Variants in ATP2B2 observed in about 807,000 individuals in gnomAD.
ATP2B2 encodes ATPase plasma membrane Ca2+ transporting 2, also known as plasma membrane calcium-transporting ATPase 2.
In ATP2B2, 15 loss-of-function variants were observed where a neutral mutation model predicts 120.0. The ratio of observed to expected loss-of-function variants is 0.12; its 90% confidence interval spans 0.08 to 0.19. The LOEUF (loss-of-function observed/expected upper bound fraction) is 0.19. Ranked by LOEUF, ATP2B2 falls within the 10% of genes least tolerant of loss-of-function variation. ATP2B2 has a pLI of 1.00. For missense variants in ATP2B2, 1,045 were observed against 1,719.8 expected (o/e 0.61, Z 6.94); for synonymous variants, 694 against 700.3 (o/e 0.99, Z 0.14).
In ATP2B2 at chr3:10,577,051, C is replaced by CAAA. The variant is rs71055823; in HGVS notation, c.-415+42863_-415+42865dup. Among the ~76,000 whole-genome samples, 451 of 109,282 alleles carry CAAA rather than the reference C, an allele frequency of 4.1e-3. 2 individuals carry two copies. The highest frequency in any genetic ancestry group is 0.015 in the African/African-American group (412 of 28,074). The allele number at this position is 109,282 out of a possible 152,430, so 71.7% of individuals were successfully genotyped here. On this transcript the variant is annotated intron_variant, in intron 2 of 21. Transcript: ENST00000646379. ...TGGGTGACAGAGTGAGACTCTGTGT[C>CAAA]AAAAAAAAAAAAAAAAAAAAAAGAA...
chr3:10,334,379 G>A (rs1020798311), intron 22 of ATP2B2, among the ~76,000 whole-genome samples: 4 of 152,288 alleles, frequency 2.6e-5, no homozygotes, highest in South Asian at 2.1e-4. Flanking sequence ...CTTGGTTACC[G>A]CACCTCAGGA....
intron 5 of ATP2B2, among the ~76,000 whole-genome samples, chr3:10,397,618 A>C (rs1209542538): frequency 6.6e-6 from 1 of 152,154 alleles, no homozygotes; most frequent in Non-Finnish European, 1.5e-5. Context: ...GGAAGAAATG[A>C]GACTGGGAAG....
chr3:10,574,211 G>A (rs1022945904), intron 2 of ATP2B2, among the ~76,000 whole-genome samples: 1 of 152,008 alleles, frequency 6.6e-6, no homozygotes, highest in African/African-American at 2.4e-5. Flanking sequence ...GCCTCCCTCC[G>A]ATGCCCGCTG....
At chr3:10,654,095 A>G (rs2070542235) in intron 1 of ATP2B2, among the ~76,000 whole-genome samples, 1 of 152,148 alleles carries the variant, frequency 6.6e-6, no homozygotes, top group Admixed American at 6.5e-5. Flanking sequence ...CCCTCCCACA[A>G]ACCCTCTGAG....
At chr3:10,625,140 T>C (rs1466654503) in intron 1 of ATP2B2, among the ~76,000 whole-genome samples, 1 of 152,206 alleles carries the variant, frequency 6.6e-6, no homozygotes, top group Non-Finnish European at 1.5e-5. Context: ...GAGGACGTGG[T>C]ATTCTGGCTA....
chr3:10,630,950 A>G (rs182890072), intron 1 of ATP2B2, among the ~76,000 whole-genome samples: 5 of 152,278 alleles, frequency 3.3e-5, no homozygotes, highest in Non-Finnish European at 7.4e-5. Flanking sequence ...TTCCTCGGGT[A>G]GAGAAAGAAT....
intron 10 of ATP2B2, among the ~76,000 whole-genome samples, chr3:10,377,753 T>A (rs2061420711): frequency 6.6e-6 from 1 of 152,230 alleles, no homozygotes; most frequent in African/African-American, 2.4e-5. Flanking sequence ...CTTGTCTTCC[T>A]CTGCTCAAGT....
At chr3:10,386,378 G>T in intron 7 of ATP2B2, 102 bp downstream of exon 7, 1 of 1,339,568 alleles carries the variant, frequency 7.5e-7, no homozygotes, top group Non-Finnish European at 1.1e-6. Context: ...CAGGCATGTG[G>T]CCTCCTCCAG....
At chr3:10,676,463 G>T (rs2071246225) in intron 1 of ATP2B2, among the ~76,000 whole-genome samples, 1 of 152,046 alleles carries the variant, frequency 6.6e-6, no homozygotes, top group Non-Finnish European at 1.5e-5. Context: ...TCATCTGTTG[G>T]GCAGGTAAGT....
intron 2 of ATP2B2, among the ~76,000 whole-genome samples, chr3:10,436,310 C>CT (rs2063478416): frequency 6.6e-6 from 1 of 152,236 alleles, no homozygotes; most frequent in Non-Finnish European, 1.5e-5. Context: ...ATTATCTATT[C>CT]TCTCTAGTAG....
chr3:10,508,549 A>G (rs1411079321), upstream of ATP2B2, among the ~76,000 whole-genome samples: 1 of 152,188 alleles, frequency 6.6e-6, no homozygotes, highest in Non-Finnish European at 1.5e-5. Context: ...CCCATTTTAC[A>G]GTTCAGCAAA....
intron 22 of ATP2B2, chr3:10,331,982 C>T: frequency 1.9e-6 from 3 of 1,550,134 alleles, no homozygotes; most frequent in Non-Finnish European, 2.6e-6. Context: ...AGACTCACAA[C>T]CTCTTTTAAT....
intron 2 of ATP2B2, among the ~76,000 whole-genome samples, chr3:10,445,796 G>T (rs1160023605): frequency 6.6e-6 from 1 of 152,240 alleles, no homozygotes; most frequent in Non-Finnish European, 1.5e-5. Flanking sequence ...TAGGGGTAGG[G>T]GGTGTCGGGA....
At chr3:10,550,578 G>A (rs1162068393) in intron 2 of ATP2B2, among the ~76,000 whole-genome samples, 1 of 152,054 alleles carries the variant, frequency 6.6e-6, no homozygotes, top group Admixed American at 6.6e-5. Context: ...CCTTCCAGCA[G>A]GACACATTCT....
chr3:10,384,556 C>A (rs73014692), intron 8 of ATP2B2, among the ~76,000 whole-genome samples: 1 of 152,110 alleles, frequency 6.6e-6, no homozygotes, highest in Admixed American at 6.6e-5. Context: ...TTCTTGCTTG[C>A]GTGTAAGGAG....
chr3:10,692,318 C>T (rs201226074), intron 1 of ATP2B2, among the ~76,000 whole-genome samples: 10 of 152,328 alleles, frequency 6.6e-5, no homozygotes, highest in East Asian at 5.8e-4. Context: ...GCCTCTCCCC[C>T]CAACCGTCAT....
chr3:10,637,424 TC>T lies in ATP2B2; in HGVS notation c.-459-17464del, dbSNP rs933993918. On this transcript the variant is annotated intron_variant, in intron 1 of 21. Transcript: ENST00000646379. ...GTTATTATAACTATATTCCACATGT[TC>T]AAAAAGTTAAGACATAGAAGATATA... Among the ~76,000 whole-genome samples, 50 of 152,194 alleles carry T rather than the reference TC, an allele frequency of 3.3e-4. 1 individual carries two copies. The highest frequency in any genetic ancestry group is 1.2e-3 in the African/African-American group (50 of 41,522).
rs367841742 is a variant in ATP2B2, at chr3:10,449,530, G to A, written c.14C>T (p.Thr5Ile). Residue 5 changes from threonine to isoleucine, a missense_variant, in exon 2 of 23, where the codon ACC becomes ATC. By Grantham distance (89) the Thr-to-Ile change is moderately conservative. Around this residue, in one of 11 missense-constraint regions of ATP2B2, gnomAD observed 139 missense variants for 134.2 expected, o/e 1.04. Coordinates refer to ENST00000360273, the MANE Select transcript of ATP2B2 (RefSeq NM_001001331.4). ...GTTTTTGGAGTAAAAGTCGCTGTTG[G>A]TCATGTCACCCATGTTTGCTGCGGT... MGDMTNSDFYSKNQR... is the reference protein window; with the variant it reads MGDMINSDFYSKNQR... 1.9e-5 allele frequency: 30 copies of A among 1,614,132 alleles called. No homozygotes were observed. The highest frequency in any genetic ancestry group is 2.5e-5 in the Non-Finnish European group (29 of 1,180,054).
chr3:10,656,651 T>C (rs2070636441), intron 1 of ATP2B2, among the ~76,000 whole-genome samples: 2 of 152,216 alleles, frequency 1.3e-5, no homozygotes, highest in South Asian at 4.1e-4. Flanking sequence ...ATAAGGTCCC[T>C]GACCTCACAC....
Sources: gnomAD v4.1 joint callset for allele counts (sites outside exome capture counted in the v4.1 genomes callset) on GRCh38, gnomAD v4.1.1 for gene constraint, gnomAD v4.1.1 regional missense constraint, MANE v1.5 for transcripts, NCBI Gene and HGNC (gene_info 2026-07-23, HGNC 2026-07-21) for gene names.